TEAD4: variants seen among roughly 807,000 people sequenced by gnomAD.
TEAD4 encodes TEA domain transcription factor 4.
Under a neutral mutation model 52.4 loss-of-function variants are expected in TEAD4, and 36 were observed. The observed-to-expected ratio is 0.69, with a 90% CI of 0.53 to 0.91. The LOEUF (loss-of-function observed/expected upper bound fraction) is 0.91. Ranked by LOEUF, TEAD4 falls within the 40% of genes least tolerant of loss-of-function variation. TEAD4 has a pLI of 0.00. For synonymous variants in TEAD4, 220 were observed against 231.0 expected (o/e 0.95, Z 0.43); for missense variants, 508 against 583.9 (o/e 0.87, Z 1.34).
At chr12:2,988,026 C>T (rs2098240051) in intron 2 of TEAD4, among the ~76,000 whole-genome samples, 1 of 151,054 alleles carries the variant, frequency 6.6e-6, no homozygotes, top group East Asian at 2.0e-4. Context: ...TGAGATCACG[C>T]CACTGCACTC....
chr12:3,018,737 C>A (rs1482949765), intron 7 of TEAD4, 149 bp downstream of exon 7: 2 of 969,694 alleles, frequency 2.1e-6, no homozygotes, highest in Non-Finnish European at 3.2e-6. Context: ...AGGGATTGGG[C>A]TCTTCTACTG....
chr12:2,977,802 A>C (rs2098230976), intron 2 of TEAD4, among the ~76,000 whole-genome samples: 1 of 152,174 alleles, frequency 6.6e-6, no homozygotes, highest in Admixed American at 6.5e-5. Flanking sequence ...CTGCTCAGCA[A>C]GAGGAAGGCA....
intron 3 of TEAD4, among the ~76,000 whole-genome samples, chr12:3,010,553 G>A (rs2153956557): frequency 6.6e-6 from 1 of 152,312 alleles, no homozygotes; most frequent in African/African-American, 2.4e-5. Flanking sequence ...AAGTCTGGAC[G>A]CTTCTACTCG....
Position 3,017,515 on chromosome 12 carries a change from G to A in TEAD4, c.472G>A (p.Ala158Thr), listed in dbSNP as rs1331834037. 6.2e-7 allele frequency: 1 copy of A among 1,613,358 alleles called. No individual in the cohort carries two copies. The highest frequency in any genetic ancestry group is 2.2e-5 in the East Asian group (1 of 44,848). ...CCTCGCCCGGGGCCCCGGCCGCCCA[G>A]CAGTCTCAGGGGTAAGTGGGCTGCC... The change falls in exon 6 of 13, where the codon GCA (alanine) becomes ACA (threonine). Residue 158 changes from alanine to threonine, a missense_variant. Ala to Thr is a moderately conservative substitution (Grantham distance 58). Transcript: ENST00000359864.
chr12:2,990,461 C>CTTTTTTT (rs71057876), intron 2 of TEAD4, among the ~76,000 whole-genome samples: 759 of 67,024 alleles, frequency 0.011, 183 homozygotes, highest in African/African-American at 0.039. Context: ...GACAGATAAT[C>CTTTTTTT]TTTTTTTTTT....
intron 2 of TEAD4, among the ~76,000 whole-genome samples, chr12:2,973,323 GC>G (rs1408373467): frequency 6.6e-6 from 1 of 152,158 alleles, no homozygotes; most frequent in African/African-American, 2.4e-5. Context: ...CACCCGCCTC[GC>G]CTCCCACAGT....
rs147277988 is a variant in TEAD4, at chr12:3,012,499, C to T, written c.354+267C>T. ...TGGCTCCTGCTTAGAGGGGCTCACA[C>T]GGCTCAGAGCAGCCGGATCACCCAC... On this transcript the variant is annotated intron_variant, in intron 5 of 12. Coordinates refer to ENST00000359864, the MANE Select transcript of TEAD4 (RefSeq NM_003213.4). Among the ~76,000 whole-genome samples the T allele has an allele frequency of 3.2e-3, 481 of 152,268 alleles. 2 individuals are homozygous for T. The highest frequency in any genetic ancestry group is 5.5e-3 in the Non-Finnish European group (376 of 68,004).
At chr12:3,029,137 T>G (rs2098273856) in intron 10 of TEAD4, among the ~76,000 whole-genome samples, 2 of 151,986 alleles carry the variant, frequency 1.3e-5, no homozygotes, top group Admixed American at 1.3e-4. Context: ...GGCATGATTA[T>G]TGCTCACTGC....
At position 3,012,209 on chromosome 12, in the gene TEAD4, C is replaced by T. The variant is rs757774295; in HGVS notation, c.331C>T (p.Arg111Cys). The change falls in exon 5 of 13, where the codon CGC becomes TGC. Residue 111 changes from arginine to cysteine, a missense_variant. Coordinates refer to ENST00000359864, the MANE Select transcript of TEAD4 (RefSeq NM_003213.4). The stretch of plus-strand genomic sequence containing the variant: ...CCAGGTGCTGGCTCGTCGCAAAGCT[C>T]GCGAGATCCAGGCCAAGCTAAAGGT... 10 of 1,614,082 alleles carry T rather than the reference C, an allele frequency of 6.2e-6. 1 individual carries two copies. Among genetic ancestry groups the T allele is most frequent in the South Asian group, 4.4e-5 (4 of 91,066 alleles).
intron 2 of TEAD4, among the ~76,000 whole-genome samples, chr12:2,968,155 C>G (rs886411505): frequency 6.3e-5 from 9 of 142,540 alleles, no homozygotes; most frequent in Non-Finnish European, 1.4e-4. Context: ...GGCGTGATCT[C>G]GACTCACCGC....
At chr12:2,968,597 T>A (rs1312698305) in intron 2 of TEAD4, among the ~76,000 whole-genome samples, 1 of 151,818 alleles carries the variant, frequency 6.6e-6, no homozygotes, top group African/African-American at 2.4e-5. Flanking sequence ...TTTTAATTTT[T>A]ATTTTTCATA....
intron 2 of TEAD4, among the ~76,000 whole-genome samples, chr12:2,970,455 C>T (rs1442419182): frequency 6.6e-6 from 1 of 152,204 alleles, no homozygotes; most frequent in Non-Finnish European, 1.5e-5. Context: ...TTAGTTCTTT[C>T]CCCGGCACAT....
intron 2 of TEAD4, among the ~76,000 whole-genome samples, chr12:2,962,341 T>TATAAATATATATATAAATATATAA (rs2098216412): frequency 1.8e-5 from 2 of 111,994 alleles, no homozygotes; most frequent in Admixed American, 1.0e-4. Flanking sequence ...TAAATATATA[T>TATAAATATATATATAAATATATAA]ATATATTTTT....
chr12:2,964,461 T>C (rs1475223638), intron 2 of TEAD4, among the ~76,000 whole-genome samples: 2 of 145,708 alleles, frequency 1.4e-5, no homozygotes, highest in African/African-American at 5.0e-5. Context: ...CTTTCTTTCT[T>C]TTTTTTTTTT....
At chr12:3,038,579 T>C (rs2098280788) in intron 11 of TEAD4, among the ~76,000 whole-genome samples, 1 of 152,194 alleles carries the variant, frequency 6.6e-6, no homozygotes, top group Non-Finnish European at 1.5e-5. Flanking sequence ...ATTTTCTGCT[T>C]ATGGGTACCC....
chr12:2,992,479 T>C (rs1159839931), intron 2 of TEAD4, among the ~76,000 whole-genome samples: 2 of 152,138 alleles, frequency 1.3e-5, no homozygotes, highest in Non-Finnish European at 2.9e-5. Context: ...AGTGCCTCTC[T>C]GTGAAGGAAA....
intron 10 of TEAD4, among the ~76,000 whole-genome samples, chr12:3,026,636 A>G (rs1246803416): frequency 6.6e-6 from 1 of 152,224 alleles, no homozygotes; most frequent in Non-Finnish European, 1.5e-5. Context: ...CGGGAAAGGT[A>G]CTTTTTTAGT....
chr12:3,011,479 G>A (rs754630029), intron 4 of TEAD4, among the ~76,000 whole-genome samples: 3 of 151,858 alleles, frequency 2.0e-5, no homozygotes, highest in Non-Finnish European at 2.9e-5. Context: ...TAATCCACCC[G>A]CCTTGGCCTC....
Position 2,994,660 on chromosome 12 carries a change from A to G in TEAD4, c.-29-78A>G. ...CTGAGCAACTGATTCGGGCTCTGGC[A>G]CTCCCCGGAGTGCCTTCATCCCGTG... On this transcript the variant is annotated intron_variant, in intron 2 of 12. Coordinates refer to ENST00000359864, the MANE Select transcript of TEAD4 (RefSeq NM_003213.4). The surrounding 1 kb of genome is among the most constrained non-coding windows in gnomAD (Gnocchi z 4.7). The G allele has an allele frequency of 8.2e-6, 12 of 1,457,568 alleles. No homozygotes were observed. Among genetic ancestry groups the G allele is most frequent in the Non-Finnish European group, 1.1e-5 (12 of 1,110,096 alleles). 90.3% of individuals were successfully genotyped at this position (1,457,568 alleles called of 1,614,324 possible).
Sources: allele counts gnomAD v4.1 joint callset (sites outside exome capture counted in the v4.1 genomes callset), GRCh38; gene constraint gnomAD v4.1.1; non-coding constraint Gnocchi (gnomAD v3.1); transcripts MANE v1.5; gene names NCBI Gene and HGNC (gene_info 2026-07-23, HGNC 2026-07-21).